The following ZNF277 variants were observed in gnomAD, a reference collection of about 807,000 sequenced individuals.
ZNF277 encodes the protein nuclear receptor-interacting factor 4.
A neutral mutation model predicts 60.7 loss-of-function variants in ZNF277; 55 were observed. The observed-to-expected ratio is 0.91, with a 90% CI of 0.73 to 1.13. The LOEUF (loss-of-function observed/expected upper bound fraction) is 1.13. ZNF277 is among the 50% of genes most tolerant of loss of function. The probability of loss-of-function intolerance (pLI) is 0.00; values close to 1 mark genes in which losing one functional copy is unlikely to be tolerated. For missense variants in ZNF277, 510 were observed against 523.0 expected, an observed-to-expected ratio of 0.98 and a Z score of 0.24; for synonymous variants, 178 against 179.3, an observed-to-expected ratio of 0.99 and a Z score of 0.06.
At chr7:112,296,958 C>T (rs1228391886) in intron 4 of ZNF277, among the ~76,000 whole-genome samples, 204 of 56,394 alleles carry the variant, frequency 3.6e-3, no homozygotes, top group African/African-American at 0.011. Context: ...GATGGAGTCT[C>T]GCTCTGTTGC....
At chr7:112,266,704 G>A (rs868863116) in intron 1 of ZNF277, among the ~76,000 whole-genome samples, 8 of 151,988 alleles carry the variant, frequency 5.3e-5, no homozygotes, top group Non-Finnish European at 8.8e-5. Flanking sequence ...AAAATCCTAC[G>A]GAAACCTTTG....
intron 5 of ZNF277, among the ~76,000 whole-genome samples, chr7:112,325,720 C>T (rs1270309947): frequency 6.6e-6 from 1 of 152,144 alleles, no homozygotes; most frequent in East Asian, 1.9e-4. Flanking sequence ...TGGTCCATTC[C>T]AAGGCTTGGG....
rs146616395 is a variant in ZNF277 at position 112,338,554 on chromosome 7, CT to C, written c.966+729del. 8.7e-3 allele frequency among the ~76,000 whole-genome samples: 1,330 copies of C among 152,274 alleles called. 21 individuals carry two copies. Among genetic ancestry groups the C allele is most frequent in the African/African-American group, 0.03 (1,257 of 41,542 alleles). ...CTCCGTCCCCTCCCTGCAGCCACCT[CT>C]GCCAATAGTGGACCATATTCTCTAC... On this transcript the variant is annotated intron_variant, in intron 9 of 11. Coordinates refer to ENST00000361822, the MANE Select transcript of ZNF277 (RefSeq NM_021994.3).
At chr7:112,223,564 A>T (rs1429619496) in intron 1 of ZNF277, among the ~76,000 whole-genome samples, 1 of 152,200 alleles carries the variant, frequency 6.6e-6, no homozygotes, top group African/African-American at 2.4e-5. Context: ...CCAAGATCAC[A>T]GTTCATGAGT....
chr7:112,260,879 G>A (rs1791424450), intron 1 of ZNF277, among the ~76,000 whole-genome samples: 1 of 152,108 alleles, frequency 6.6e-6, no homozygotes, highest in African/African-American at 2.4e-5. Flanking sequence ...TTCATCTGAG[G>A]TTCACTTCTT....
At chr7:112,277,135 G>A (rs950466324) in intron 1 of ZNF277, among the ~76,000 whole-genome samples, 1 of 143,230 alleles carries the variant, frequency 7.0e-6, no homozygotes, top group African/African-American at 2.6e-5. Context: ...CCAGGCTGGA[G>A]TGCAGTGGCA....
intron 5 of ZNF277, among the ~76,000 whole-genome samples, chr7:112,325,131 A>C (rs1295109837): frequency 6.6e-6 from 1 of 152,178 alleles, no homozygotes; most frequent in Non-Finnish European, 1.5e-5. Flanking sequence ...AACTACCATA[A>C]TATTGGAGAG....
intron 1 of ZNF277, among the ~76,000 whole-genome samples, chr7:112,265,333 G>A (rs1791526052): frequency 6.6e-6 from 1 of 152,128 alleles, no homozygotes; most frequent in Admixed American, 6.6e-5. Flanking sequence ...GTGTCTCAGG[G>A]AATTGGGAGG....
intron 1 of ZNF277, among the ~76,000 whole-genome samples, chr7:112,238,900 A>C (rs1220001392): frequency 6.6e-6 from 1 of 151,972 alleles, no homozygotes; most frequent in East Asian, 1.9e-4. Flanking sequence ...TACCGCCCTG[A>C]ACGTGCCCGA....
chr7:112,335,777 T>C (rs1197448288), intron 7 of ZNF277, among the ~76,000 whole-genome samples: 1 of 152,182 alleles, frequency 6.6e-6, no homozygotes, highest in East Asian at 1.9e-4. Flanking sequence ...ATCCCAGATA[T>C]TCTAATACTC....
chr7:112,287,307 C>T lies in ZNF277; in HGVS notation c.293+233C>T, dbSNP rs944216287. The T allele has an allele frequency of 1.7e-4, 91 of 520,888 alleles. No individual in the cohort carries two copies. The Admixed American group carries it at 2.1e-3, about 12-fold the overall frequency. 32.3% of individuals were successfully genotyped at this position (520,888 alleles called of 1,614,324 possible). A position where few individuals can be genotyped will look rare whatever the true frequency, so the allele number is the denominator to read the frequency against. On this transcript the variant is annotated intron_variant, in intron 2 of 11. Transcript: ENST00000361822. Reference sequence around the variant, plus strand: ...GGAGGGCTGCTTGCACCCATGAGTTCGAGGCTGCAGTGAGTTATGGTTATA... The same window carrying T: ...GGAGGGCTGCTTGCACCCATGAGTTTGAGGCTGCAGTGAGTTATGGTTATA...
intron 4 of ZNF277, among the ~76,000 whole-genome samples, chr7:112,313,282 A>G (rs566025039): frequency 6.9e-6 from 1 of 145,794 alleles, no homozygotes. Context: ...ATGTTTTAAA[A>G]TTTTTTTTTT....
chr7:112,335,180 C>G (rs1257772415), intron 7 of ZNF277, among the ~76,000 whole-genome samples: 1 of 152,052 alleles, frequency 6.6e-6, no homozygotes, highest in Non-Finnish European at 1.5e-5. Context: ...TTTTGTTTTT[C>G]CAAAAGGATA....
chr7:112,230,042 G>GGCCATGCGAAAGAACTTGGAGTTTC (rs543985085), intron 1 of ZNF277, among the ~76,000 whole-genome samples: 7,592 of 152,198 alleles, frequency 0.05, 300 homozygotes, highest in Non-Finnish European at 0.075. Flanking sequence ...GGACCTTGTG[G>GGCCATGCGAAAGAACTTGGAGTTTC]GCCATGCGAA....
In ZNF277 at chr7:112,220,908, C is replaced by T. The variant is rs531112108; in HGVS notation, c.91+14101C>T. On this transcript the variant is annotated intron_variant, in intron 1 of 11. Coordinates refer to ENST00000361822, the MANE Select transcript of ZNF277 (RefSeq NM_021994.3). ...CAGGCATTCCAGCCAGCACGGGCTACCCTCTTTGGGTCCCCTCCCTTTGTA... is the reference window on the plus strand; with the variant it reads ...CAGGCATTCCAGCCAGCACGGGCTATCCTCTTTGGGTCCCCTCCCTTTGTA... Among the ~76,000 whole-genome samples, 5 of 152,310 alleles carry T rather than the reference C, an allele frequency of 3.3e-5. No individual in the cohort carries two copies. The East Asian group carries it at 9.6e-4, about 29-fold the overall frequency.
chr7:112,343,154 C>T lies in ZNF277; in HGVS notation c.*425C>T, dbSNP rs1172584526. On this transcript the variant is annotated 3_prime_UTR_variant, in exon 12 of 12. Transcript: ENST00000361822. ...CCAACAAGTTGCAAAATTTGAATAT[C>T]CCTTCTGTACTATATTGGGTGAGCT... The T allele has an allele frequency of 6.5e-6, 1 of 154,782 alleles. No homozygotes were observed. The highest frequency in any genetic ancestry group is 1.4e-5 in the Non-Finnish European group (1 of 69,782). 9.6% of individuals were successfully genotyped at this position (154,782 alleles called of 1,614,324 possible).
chr7:112,260,455 A>G (rs1791417515), intron 1 of ZNF277, among the ~76,000 whole-genome samples: 1 of 152,174 alleles, frequency 6.6e-6, no homozygotes, highest in Non-Finnish European at 1.5e-5. Flanking sequence ...ATTTAGCAAT[A>G]TGTTCTGAGT....
At chr7:112,253,175 A>G (rs1250591647) in intron 1 of ZNF277, among the ~76,000 whole-genome samples, 2 of 152,188 alleles carry the variant, frequency 1.3e-5, no homozygotes, top group Non-Finnish European at 2.9e-5. Context: ...CTAGGCATTC[A>G]ACATCAAATA....
chr7:112,311,262 C>T (rs1238725118), intron 4 of ZNF277, among the ~76,000 whole-genome samples: 1 of 152,042 alleles, frequency 6.6e-6, no homozygotes, highest in Non-Finnish European at 1.5e-5. Context: ...TAGGCATTGA[C>T]CCCTTTGCTG....
Sources: gnomAD v4.1 joint callset for allele counts (sites outside exome capture counted in the v4.1 genomes callset) on GRCh38, gnomAD v4.1.1 for gene constraint, MANE v1.5 for transcripts, NCBI Gene and HGNC (gene_info 2026-07-23, HGNC 2026-07-21) for gene names.